CDH12: variants seen among roughly 807,000 people sequenced by gnomAD.
CDH12 encodes the protein cadherin-12.
CDH12 carries 41 observed loss-of-function variants against 74.1 expected under a neutral mutation model. The observed-to-expected ratio is 0.55, with a 90% CI of 0.43 to 0.72. The LOEUF (loss-of-function observed/expected upper bound fraction) is 0.72, where lower values mean the gene tolerates loss of function less well. Among genes scored for constraint, CDH12 ranks in the 30% least tolerant of loss-of-function variants. CDH12 has a pLI of 0.00. For synonymous variants in CDH12, 399 were observed against 355.0 expected (o/e 1.12, Z -1.39); for missense variants, 945 against 977.2 (o/e 0.97, Z 0.44).
chr5:22,651,682 AG>A (rs539233858), intron 1 of CDH12, among the ~76,000 whole-genome samples: 31 of 150,846 alleles, frequency 2.1e-4, no homozygotes, highest in African/African-American at 6.8e-4. Flanking sequence ...TCAGCTAAGG[AG>A]TAGTTGATAG....
intron 4 of CDH12, among the ~76,000 whole-genome samples, chr5:22,169,616 G>A (rs1223725203): frequency 6.6e-6 from 1 of 151,912 alleles, no homozygotes; most frequent in Non-Finnish European, 1.5e-5. Flanking sequence ...ACCCATGATA[G>A]ACATTACTTT....
intron 5 of CDH12, among the ~76,000 whole-genome samples, chr5:22,020,176 T>G (rs1019122035): frequency 6.6e-6 from 1 of 152,158 alleles, no homozygotes; most frequent in Non-Finnish European, 1.5e-5. Flanking sequence ...GGTATGTTAG[T>G]TGGCTTGGGC....
chr5:22,568,930 T>G (rs1270573971), intron 1 of CDH12, among the ~76,000 whole-genome samples: 1 of 152,214 alleles, frequency 6.6e-6, no homozygotes, highest in African/African-American at 2.4e-5. Flanking sequence ...TTTTTGCTAG[T>G]GGAGGGTCTT....
chr5:22,293,104 T>C (rs1472462419), intron 3 of CDH12, among the ~76,000 whole-genome samples: 2 of 152,092 alleles, frequency 1.3e-5, no homozygotes, highest in Non-Finnish European at 2.9e-5. Flanking sequence ...CCACGTCTGT[T>C]CCTTATTTGG....
chr5:21,997,692 TCTA>T, intron 5 of CDH12, among the ~76,000 whole-genome samples: 1 of 152,292 alleles, frequency 6.6e-6, no homozygotes, highest in East Asian at 1.9e-4. Flanking sequence ...TTCTCTACTT[TCTA>T]CTTTTACCTT....
intron 3 of CDH12, among the ~76,000 whole-genome samples, chr5:22,261,572 C>T (rs1205401994): frequency 1.3e-5 from 2 of 152,152 alleles, no homozygotes; most frequent in South Asian, 2.1e-4. Context: ...TATAAGGTCA[C>T]AGTCTGAAGT....
intron 1 of CDH12, among the ~76,000 whole-genome samples, chr5:22,612,149 A>T (rs1325058983): frequency 6.6e-6 from 1 of 152,162 alleles, no homozygotes; most frequent in Admixed American, 6.6e-5. Context: ...TTTATAAATG[A>T]TCTTTCAATA....
chr5:22,490,386 T>C (rs1178660714), intron 2 of CDH12, among the ~76,000 whole-genome samples: 2 of 152,176 alleles, frequency 1.3e-5, no homozygotes, highest in East Asian at 1.9e-4. Context: ...TATCTAGATG[T>C]TATAGAGTTC....
intron 6 of CDH12, among the ~76,000 whole-genome samples, chr5:21,903,675 G>A (rs2150056459): frequency 6.6e-6 from 1 of 152,188 alleles, no homozygotes; most frequent in Admixed American, 6.5e-5. Flanking sequence ...TTATATAACA[G>A]TGTCATAAAA....
At chr5:21,880,836 T>G (rs989094570) in intron 6 of CDH12, among the ~76,000 whole-genome samples, 2 of 151,770 alleles carry the variant, frequency 1.3e-5, no homozygotes, top group Non-Finnish European at 2.9e-5. Context: ...AGAGAAAGTT[T>G]CATGGAGTCA....
chr5:22,399,327 CAT>C (rs1337100282), intron 3 of CDH12, among the ~76,000 whole-genome samples: 4 of 151,844 alleles, frequency 2.6e-5, no homozygotes, highest in African/African-American at 9.7e-5. Flanking sequence ...ACAAAGCAAA[CAT>C]GTAAGAATTG....
At chr5:22,195,052 C>G (rs920306170) in intron 4 of CDH12, among the ~76,000 whole-genome samples, 3 of 152,048 alleles carry the variant, frequency 2.0e-5, no homozygotes, top group African/African-American at 7.2e-5. Flanking sequence ...TGATATTATC[C>G]CAAGCCTAGA....
intron 3 of CDH12, among the ~76,000 whole-genome samples, chr5:22,332,313 C>G (rs1739383931): frequency 6.6e-6 from 1 of 152,106 alleles, no homozygotes; most frequent in African/African-American, 2.4e-5. Context: ...AGGCAGCAGA[C>G]TTTTTAGTGA....
intron 1 of CDH12, among the ~76,000 whole-genome samples, chr5:22,539,856 A>G (rs979965986): frequency 9.2e-5 from 14 of 152,188 alleles, no homozygotes; most frequent in African/African-American, 2.7e-4. Flanking sequence ...ACAGAACCCA[A>G]TCTTGGTTTC....
At chr5:22,236,608 A>G (rs773236111) in intron 3 of CDH12, among the ~76,000 whole-genome samples, 1 of 152,040 alleles carries the variant, frequency 6.6e-6, no homozygotes, top group Non-Finnish European at 1.5e-5. Context: ...TTAGCTGGAC[A>G]TTCTAGCGCA....
chr5:22,599,987 G>A (rs76341972), intron 1 of CDH12, among the ~76,000 whole-genome samples: 21 of 151,968 alleles, frequency 1.4e-4, no homozygotes, highest in African/African-American at 4.8e-4. Context: ...TTTTTCTAAT[G>A]AGCACACTAT....
At chr5:22,645,613 A>C (rs1239781593) in intron 1 of CDH12, among the ~76,000 whole-genome samples, 5 of 152,088 alleles carry the variant, frequency 3.3e-5, no homozygotes, top group Non-Finnish European at 1.5e-5. Context: ...ATTGATTTCA[A>C]TTTGGAAAAA....
intron 4 of CDH12, among the ~76,000 whole-genome samples, chr5:22,159,958 AT>A (rs1324253488): frequency 6.6e-6 from 1 of 152,132 alleles, no homozygotes; most frequent in Non-Finnish European, 1.5e-5. Flanking sequence ...TGTGTGTATG[AT>A]TCTTTAAGGT....
At chr5:22,510,129 A>T (rs1736541429) in intron 1 of CDH12, among the ~76,000 whole-genome samples, 1 of 152,224 alleles carries the variant, frequency 6.6e-6, no homozygotes, top group Non-Finnish European at 1.5e-5. Context: ...TAATAGACAC[A>T]TAATACACAT....
Sources: allele counts gnomAD v4.1 joint callset (sites outside exome capture counted in the v4.1 genomes callset), GRCh38; gene constraint gnomAD v4.1.1; transcripts MANE v1.5; gene names NCBI Gene and HGNC (gene_info 2026-07-23, HGNC 2026-07-21).